The following TMEM154 variants were observed in gnomAD, a reference collection of about 807,000 sequenced individuals.
TMEM154 encodes transmembrane protein 154.
TMEM154 carries 27 observed loss-of-function variants against 24.5 expected under a neutral mutation model. The observed-to-expected ratio is 1.10, with a 90% CI of 0.81 to 1.52. TMEM154 has a LOEUF of 1.52. Ranked by LOEUF, TMEM154 falls within the 40% of genes most tolerant of loss-of-function variation. The pLI is 0.00. For synonymous variants in TMEM154, 67 were observed against 76.8 expected (o/e 0.87, Z 0.67); for missense variants, 228 against 213.4 (o/e 1.07, Z -0.43).
At chr4:152,651,873 T>C (rs994294609) in intron 3 of TMEM154, among the ~76,000 whole-genome samples, 1 of 151,764 alleles carries the variant, frequency 6.6e-6, no homozygotes, top group Non-Finnish European at 1.5e-5. Flanking sequence ...ATGAGAGATA[T>C]GTGACTCTTC....
intron 6 of TMEM154, among the ~76,000 whole-genome samples, chr4:152,631,792 CCTTTTTTTTTT>C (rs1387420837): frequency 8.4e-5 from 11 of 131,462 alleles, no homozygotes; most frequent in South Asian, 2.3e-4. Context: ...AATCTATCCC[CCTTTTTTTTTT>C]TTTTTTTTTT....
intron 1 of TMEM154, among the ~76,000 whole-genome samples, chr4:152,655,889 C>T (rs916279125): frequency 2.0e-5 from 3 of 152,138 alleles, no homozygotes; most frequent in African/African-American, 7.2e-5. Flanking sequence ...CTACCTATTA[C>T]AGCCAGCTAC....
chr4:152,673,808 C>CTTTCATTTTGTTTTGTTTTGTT (rs1728900875), intron 1 of TMEM154, among the ~76,000 whole-genome samples: 1 of 151,962 alleles, frequency 6.6e-6, no homozygotes, highest in Non-Finnish European at 1.5e-5. Flanking sequence ...ATTTAGGTTG[C>CTTTCATTTTGTTTTGTTTTGTT]TTTCATTTTG....
chr4:152,628,150 G>A lies in TMEM154; in HGVS notation c.*396C>T, dbSNP rs1169597720. ...GTTACTGACCCAAAAGGAAACCATCGATAAAACAGCTTCCTGATTTAGGCC... is the reference window on the plus strand; with the variant it reads ...GTTACTGACCCAAAAGGAAACCATCAATAAAACAGCTTCCTGATTTAGGCC... On this transcript the variant is annotated 3_prime_UTR_variant, in exon 7 of 7. Transcript: ENST00000304385. The A allele has an allele frequency of 4.3e-5, 9 of 211,590 alleles. No homozygotes were observed. Among genetic ancestry groups the A allele is most frequent in the Non-Finnish European group, 7.6e-5 (8 of 105,738 alleles). 13.1% of individuals were successfully genotyped at this position (211,590 alleles called of 1,614,324 possible). A position where few individuals can be genotyped will look rare whatever the true frequency, so the allele number is the denominator to read the frequency against.
intron 1 of TMEM154, among the ~76,000 whole-genome samples, chr4:152,678,815 T>G (rs1343211258): frequency 6.6e-6 from 1 of 152,202 alleles, no homozygotes; most frequent in African/African-American, 2.4e-5. Flanking sequence ...TCCACTTTGT[T>G]TTCTACCTCA....
At chr4:152,630,062 C>A (rs1256440613) in intron 6 of TMEM154, among the ~76,000 whole-genome samples, 1 of 151,976 alleles carries the variant, frequency 6.6e-6, no homozygotes, top group Admixed American at 6.6e-5. Context: ...AGCTGTCATC[C>A]CAGCTCTTTG....
chr4:152,640,156 C>T (rs1459121478), intron 6 of TMEM154, among the ~76,000 whole-genome samples: 1 of 152,104 alleles, frequency 6.6e-6, no homozygotes, highest in Non-Finnish European at 1.5e-5. Flanking sequence ...AAGGTTTATT[C>T]CATTTATTCC....
rs933667312 is a variant in TMEM154, at chr4:152,646,774, G to A, written c.365-2332C>T. 42 of 590,916 alleles carry A rather than the reference G, an allele frequency of 7.1e-5. No individual in the cohort carries two copies. In the Admixed American group the frequency reaches 1.2e-3, roughly 17 times the overall value. 36.6% of individuals were successfully genotyped at this position (590,916 alleles called of 1,614,324 possible). A position where few individuals can be genotyped will look rare whatever the true frequency, so the allele number is the denominator to read the frequency against. Reference sequence around the variant, plus strand: ...GTGGGGTTGTCTGGTGGAGGCTAGGGGAGGGCAGGAGCTACAGGAGCCTCT... The same window carrying A: ...GTGGGGTTGTCTGGTGGAGGCTAGGAGAGGGCAGGAGCTACAGGAGCCTCT... On this transcript the variant is annotated intron_variant, in intron 3 of 6. Transcript: ENST00000304385.
chr4:152,673,628 A>G (rs1450777978), intron 1 of TMEM154, among the ~76,000 whole-genome samples: 1 of 152,140 alleles, frequency 6.6e-6, no homozygotes, highest in Non-Finnish European at 1.5e-5. Context: ...TGACTTTTTC[A>G]TCAACATGAC....
chr4:152,664,386 A>C (rs1728676645), intron 1 of TMEM154, among the ~76,000 whole-genome samples: 2 of 151,286 alleles, frequency 1.3e-5, no homozygotes, highest in South Asian at 2.1e-4. Flanking sequence ...GCGGGGGGGT[A>C]CAAGGGGAGG....
rs1224199192 is a variant in TMEM154, at chr4:152,627,553, C to G, written c.*993G>C. The G allele has an allele frequency of 6.6e-6, 1 of 152,150 alleles. No individual in the cohort carries two copies. Among genetic ancestry groups the G allele is most frequent in the Non-Finnish European group, 1.5e-5 (1 of 68,026 alleles). The allele number at this position is 152,150 out of a possible 1,614,324, so 9.4% of individuals were successfully genotyped here. A position where few individuals can be genotyped will look rare whatever the true frequency, so the allele number is the denominator to read the frequency against. ...TCATCTCTGATGGACTGACAGAGACCTCCTGTTGTGCTGTGTTAGGACATG... is the reference window on the plus strand; with the variant it reads ...TCATCTCTGATGGACTGACAGAGACGTCCTGTTGTGCTGTGTTAGGACATG... On this transcript the variant is annotated 3_prime_UTR_variant, in exon 7 of 7. Coordinates refer to ENST00000304385, the MANE Select transcript of TMEM154 (RefSeq NM_152680.3).
chr4:152,628,565 TAAAAAAAAA>T lies in TMEM154; in HGVS notation c.537-13_537-5del, dbSNP rs747613909. On this transcript the variant is annotated splice_region_variant and splice_polypyrimidine_tract_variant and intron_variant, in intron 6 of 6. Transcript: ENST00000304385. ...TCAGGTTTAGGATTCACTGTCACTG[TAAAAAAAAA>T]AAAAAAAAAAAAAAAAAACAAAAAA... 7.7e-5 allele frequency: 40 copies of T among 518,572 alleles called. 1 individual carries two copies. Among genetic ancestry groups the T allele is most frequent in the South Asian group, 1.2e-4 (4 of 33,296 alleles). The allele number at this position is 518,572 out of a possible 1,614,324, so 32.1% of individuals were successfully genotyped here.
At chr4:152,659,616 A>T (rs1315002898) in intron 1 of TMEM154, among the ~76,000 whole-genome samples, 1 of 152,206 alleles carries the variant, frequency 6.6e-6, no homozygotes, top group Non-Finnish European at 1.5e-5. Context: ...GCAACAAAAA[A>T]TATCACATGT....
At chr4:152,669,091 C>T (rs1341714327) in intron 1 of TMEM154, 1 of 152,176 alleles carries the variant, frequency 6.6e-6, no homozygotes, top group East Asian at 1.9e-4. Context: ...TTAATACAAA[C>T]TTATTATTTT....
chr4:152,629,933 A>G (rs1277997940), intron 6 of TMEM154, among the ~76,000 whole-genome samples: 1 of 152,188 alleles, frequency 6.6e-6, no homozygotes, highest in African/African-American at 2.4e-5. Flanking sequence ...TGTTGTGAAG[A>G]CAGAGGCATA....
At chr4:152,628,839 G>A (rs1317221307) in intron 6 of TMEM154, among the ~76,000 whole-genome samples, 1 of 150,726 alleles carries the variant, frequency 6.6e-6, no homozygotes, top group Non-Finnish European at 1.5e-5. Context: ...TAGAGGCGGG[G>A]TTTCACCATG....
chr4:152,658,775 T>G (rs558677962), intron 1 of TMEM154, among the ~76,000 whole-genome samples: 67 of 151,246 alleles, frequency 4.4e-4, no homozygotes, highest in Non-Finnish European at 8.0e-4. Flanking sequence ...ATCACACCAT[T>G]GCACTCCAGC....
At chr4:152,672,033 C>A (rs1351340083) in intron 1 of TMEM154, among the ~76,000 whole-genome samples, 1 of 144,592 alleles carries the variant, frequency 6.9e-6, no homozygotes, top group Non-Finnish European at 1.5e-5. Context: ...AGTGGGAGGA[C>A]GGCTTGAGCC....
intron 6 of TMEM154, among the ~76,000 whole-genome samples, chr4:152,636,531 G>A (rs1752152154): frequency 6.6e-6 from 1 of 152,186 alleles, no homozygotes; most frequent in Non-Finnish European, 1.5e-5. Flanking sequence ...ATCCTGTGCT[G>A]TCTTTCGGAT....
Sources: allele counts gnomAD v4.1 joint callset (sites outside exome capture counted in the v4.1 genomes callset), GRCh38; gene constraint gnomAD v4.1.1; transcripts MANE v1.5; gene names NCBI Gene and HGNC (gene_info 2026-07-23, HGNC 2026-07-21).